The following ARHGAP10 variants were observed in gnomAD, a reference collection of about 807,000 sequenced individuals.
ARHGAP10 encodes Rho GTPase activating protein 10.
ARHGAP10 carries 87 observed loss-of-function variants against 108.6 expected under a neutral mutation model. The ratio of observed to expected loss-of-function variants is 0.80; its 90% confidence interval spans 0.67 to 0.96. ARHGAP10 has a LOEUF of 0.96. ARHGAP10 is among the 40% of genes least tolerant of loss of function. The probability of loss-of-function intolerance (pLI) is 0.00; values close to 1 mark genes in which losing one functional copy is unlikely to be tolerated. For missense variants in ARHGAP10, 939 were observed against 954.5 expected (o/e 0.98, Z 0.21); for synonymous variants, 347 against 341.1 (o/e 1.02, Z -0.19).
Position 147,732,220 on chromosome 4 carries a change from G to C in ARHGAP10, c.-82G>C. 1 of 1,381,742 alleles carries C rather than the reference G, an allele frequency of 7.2e-7. No homozygotes were observed. The highest frequency in any genetic ancestry group is 9.4e-7 in the Non-Finnish European group (1 of 1,064,436). 85.6% of individuals were successfully genotyped at this position (1,381,742 alleles called of 1,614,324 possible). ...CTCCTCTGTGCTCCCTGAACGCGCGGCGCCGCACCTGGCAGCGGCCTCGGA... is the reference window on the plus strand; with the variant it reads ...CTCCTCTGTGCTCCCTGAACGCGCGCCGCCGCACCTGGCAGCGGCCTCGGA... On this transcript the variant is annotated 5_prime_UTR_variant, in exon 1 of 23. Coordinates refer to ENST00000336498, the MANE Select transcript of ARHGAP10 (RefSeq NM_024605.4).
At chr4:147,865,953 A>G (rs566254781) in intron 6 of ARHGAP10, 6 of 152,340 alleles carry the variant, frequency 3.9e-5, no homozygotes, top group Admixed American at 1.3e-4. Flanking sequence ...CTATAACTCA[A>G]TGAGGAGATA....
In ARHGAP10 at chr4:147,732,343, C is replaced by T; in HGVS notation, c.42C>T (p.Asp14=). 1 of 1,613,372 alleles carries T rather than the reference C, an allele frequency of 6.2e-7. No individual in the cohort carries two copies. Among genetic ancestry groups the T allele is most frequent in the Non-Finnish European group, 8.5e-7 (1 of 1,179,618 alleles). Residue 14 remains aspartate, a synonymous_variant, in exon 1 of 23, where the codon GAC becomes GAT. Transcript: ENST00000336498. ...TGGAGTTCAGCGACTGCTACCTCGA[C>T]AGCCCGTGGTTCCGGGAGAGGATCC... ...QPLEFSDCYL[D]SPWFRERIRA... is the part of the protein sequence containing the mutation.
Position 148,064,170 on chromosome 4 carries a change from G to C in ARHGAP10, c.2181-246G>C, listed in dbSNP as rs189481108. ...CACCAGGTAGGGAGGAGAATTAGGT[G>C]AAGTGGTTCAGTGACAGCTCCTCAG... On this transcript the variant is annotated intron_variant, in intron 21 of 22. Coordinates refer to ENST00000336498, the MANE Select transcript of ARHGAP10 (RefSeq NM_024605.4). 2.7e-3 allele frequency among the ~76,000 whole-genome samples: 405 copies of C among 152,322 alleles called. 1 individual carries two copies. The highest frequency in any genetic ancestry group is 9.1e-3 in the African/African-American group (380 of 41,568).
chr4:148,070,014 G>A (rs1339283068), intron 22 of ARHGAP10, among the ~76,000 whole-genome samples: 1 of 152,220 alleles, frequency 6.6e-6, no homozygotes, highest in East Asian at 1.9e-4. Context: ...CTGCCAGATC[G>A]CTTTGAGAGC....
intron 11 of ARHGAP10, among the ~76,000 whole-genome samples, chr4:147,907,486 G>T (rs1736541974): frequency 6.6e-6 from 1 of 152,162 alleles, no homozygotes; most frequent in South Asian, 2.1e-4. Context: ...GCATTTGCCA[G>T]TTCAGCATTG....
intron 18 of ARHGAP10, among the ~76,000 whole-genome samples, chr4:147,968,832 T>C (rs1739296863): frequency 6.6e-6 from 1 of 152,176 alleles, no homozygotes; most frequent in Admixed American, 6.5e-5. Context: ...GCCAGACATG[T>C]AGTAGGTGCC....
At chr4:147,980,705 A>C in intron 18 of ARHGAP10, among the ~76,000 whole-genome samples, 1 of 151,878 alleles carries the variant, frequency 6.6e-6, no homozygotes, top group South Asian at 2.1e-4. Context: ...TTACTGATTC[A>C]GTTTCATTAC....
chr4:147,923,064 T>C (rs1367204032), intron 13 of ARHGAP10, among the ~76,000 whole-genome samples: 2 of 152,242 alleles, frequency 1.3e-5, no homozygotes, highest in Admixed American at 6.5e-5. Flanking sequence ...AAATTCCATA[T>C]TGGTAATATT....
intron 16 of ARHGAP10, among the ~76,000 whole-genome samples, chr4:147,957,624 A>T (rs995546935): frequency 1.6e-4 from 25 of 152,126 alleles, no homozygotes; most frequent in Admixed American, 7.9e-4. Context: ...CTAATTTTTG[A>T]TTCTTCTCAG....
intron 18 of ARHGAP10, among the ~76,000 whole-genome samples, chr4:147,992,795 T>A (rs1382101969): frequency 6.6e-6 from 1 of 152,226 alleles, no homozygotes; most frequent in East Asian, 1.9e-4. Flanking sequence ...ATGAGCCATC[T>A]TCAATTCATT....
In ARHGAP10 at chr4:148,051,355, A is replaced by G. The variant is rs75938467; in HGVS notation, c.2027+4304A>G. Among the ~76,000 whole-genome samples the G allele has an allele frequency of 4.5e-3, 687 of 152,286 alleles. 20 individuals are homozygous for G. The highest frequency in any genetic ancestry group is 0.012 in the East Asian group (62 of 5,188). On this transcript the variant is annotated intron_variant, in intron 20 of 22. Coordinates refer to ENST00000336498, the MANE Select transcript of ARHGAP10 (RefSeq NM_024605.4). The stretch of plus-strand genomic sequence containing the variant: ...TGTTCCAAAGTCATTTTTTCCCCAC[A>G]ATAAGGTAGTTTTCGCTAAACAGGT...
intron 1 of ARHGAP10, among the ~76,000 whole-genome samples, chr4:147,738,988 G>A (rs1241438537): frequency 6.6e-6 from 1 of 151,514 alleles, no homozygotes; most frequent in Non-Finnish European, 1.5e-5. Flanking sequence ...CTCAAGACTA[G>A]TCTGGAGAAC....
intron 7 of ARHGAP10, among the ~76,000 whole-genome samples, chr4:147,867,997 A>T (rs1374663689): frequency 6.8e-6 from 1 of 146,756 alleles, no homozygotes; most frequent in Admixed American, 6.8e-5. Context: ...TTTATAATTT[A>T]TGTGTCAACT....
chr4:147,939,855 T>G lies in ARHGAP10; in HGVS notation c.1259T>G (p.Val420Gly), dbSNP rs199972892. 6.2e-7 allele frequency: 1 copy of G among 1,614,070 alleles called. No individual in the cohort carries two copies. Among genetic ancestry groups the G allele is most frequent in the East Asian group, 2.2e-5 (1 of 44,868 alleles). Residue 420 changes from valine (V) to glycine (G), a missense_variant, in exon 14 of 23, where the codon GTG becomes GGG. Val to Gly is a moderately radical substitution (Grantham distance 109). Coordinates refer to ENST00000336498, the MANE Select transcript of ARHGAP10 (RefSeq NM_024605.4). The part of the protein sequence containing the change: ...GINDQGLYRV[V>G]GVSSKVQRLL... The stretch of plus-strand genomic sequence containing the variant: ...AATGACCAAGGATTGTACAGAGTTG[T>G]GGGGGTGAGTTCAAAGGTCCAGAGA...
chr4:147,744,003 C>T (rs1207461516), intron 1 of ARHGAP10, among the ~76,000 whole-genome samples: 1 of 152,122 alleles, frequency 6.6e-6, no homozygotes, highest in Non-Finnish European at 1.5e-5. Flanking sequence ...TCACTGAACT[C>T]TAGCTATGGT....
At chr4:147,936,679 C>T (rs1288303836) in intron 13 of ARHGAP10, among the ~76,000 whole-genome samples, 1 of 152,182 alleles carries the variant, frequency 6.6e-6, no homozygotes, top group African/African-American at 2.4e-5. Flanking sequence ...AGGTGTGTCT[C>T]TGATGCTGTG....
chr4:147,964,197 C>A (rs74865824), intron 16 of ARHGAP10, among the ~76,000 whole-genome samples: 1 of 152,162 alleles, frequency 6.6e-6, no homozygotes, highest in African/African-American at 2.4e-5. Context: ...CGGGCCCTTA[C>A]GCTACAGGCT....
At chr4:147,741,557 C>T (rs1479556734) in intron 1 of ARHGAP10, among the ~76,000 whole-genome samples, 1 of 152,134 alleles carries the variant, frequency 6.6e-6, no homozygotes, top group Non-Finnish European at 1.5e-5. Context: ...CAGGCAGGGA[C>T]TGGATGGTAT....
chr4:147,985,442 A>G (rs1412813911), intron 18 of ARHGAP10, among the ~76,000 whole-genome samples: 3 of 152,206 alleles, frequency 2.0e-5, no homozygotes, highest in African/African-American at 7.2e-5. Flanking sequence ...CAGGCCACCA[A>G]GCTGGCTCTG....
Sources: allele counts gnomAD v4.1 joint callset (sites outside exome capture counted in the v4.1 genomes callset), GRCh38; gene constraint gnomAD v4.1.1; transcripts MANE v1.5; gene names NCBI Gene and HGNC (gene_info 2026-07-23, HGNC 2026-07-21).